Variants in HCRTR2 observed in about 807,000 individuals in gnomAD.
HCRTR2 encodes the protein orexin receptor type 2.
Under a neutral mutation model 49.0 loss-of-function variants are expected in HCRTR2, and 22 were observed. That is an observed-to-expected ratio of 0.45 (90% CI 0.32 to 0.64). The LOEUF (loss-of-function observed/expected upper bound fraction) is 0.64. Among genes scored for constraint, HCRTR2 ranks in the 30% least tolerant of loss-of-function variants. HCRTR2 has a pLI of 0.04. For synonymous variants in HCRTR2, 236 were observed against 205.3 expected, an observed-to-expected ratio of 1.15 and a Z score of -1.28; for missense variants, 491 against 559.4, an observed-to-expected ratio of 0.88 and a Z score of 1.23.
chr6:55,280,521 T>A (rs1767169054), intron 6 of HCRTR2, 77 bp downstream of exon 6: 4 of 1,590,580 alleles, frequency 2.5e-6, no homozygotes, highest in Non-Finnish European at 3.4e-6. Context: ...TTCAACTATA[T>A]GAGGAGTTTA....
intron 1 of HCRTR2, among the ~76,000 whole-genome samples, chr6:55,132,738 C>A: frequency 7.8e-6 from 1 of 128,002 alleles, no homozygotes; most frequent in African/African-American, 3.1e-5. Context: ...TATACCTCTC[C>A]CTCTCTCTCT....
At position 55,116,715 on chromosome 6, in the gene HCRTR2, G is replaced by GAGAGAA. The variant is rs55778468; in HGVS notation, c.-378+10171_-378+10172insGAGAAA. Among the ~76,000 whole-genome samples the GAGAGAA allele has an allele frequency of 8.1e-4, 72 of 88,542 alleles. 1 individual carries two copies. The highest frequency in any genetic ancestry group is 2.4e-3 in the African/African-American group (62 of 25,604). The allele number at this position is 88,542 out of a possible 152,430, so 58.1% of individuals were successfully genotyped here. On this transcript the variant is annotated intron_variant, in intron 1 of 7. Transcript: ENST00000615358. The stretch of plus-strand genomic sequence containing the variant: ...CTGAACAGTACTGTAAAGAGAGAGA[G>GAGAGAA]AAAAAAAAAAAAACTCTTATTCCAG...
chr6:55,231,453 G>A (rs763814327), intron 1 of HCRTR2, among the ~76,000 whole-genome samples: 13 of 152,034 alleles, frequency 8.6e-5, no homozygotes, highest in South Asian at 8.3e-4. Flanking sequence ...TTTATTTAAC[G>A]GAATATCTGA....
rs578154438 is a variant in HCRTR2 at position 55,280,783 on chromosome 6, T to C, written c.1105+339T>C. On this transcript the variant is annotated intron_variant, in intron 6 of 6. Transcript: ENST00000370862. ...CTTTGTTCTGTTTTGCCTTGCTATA[T>C]TATTCCTTTGCCAAAATGTGTAGCC... Among the ~76,000 whole-genome samples the C allele has an allele frequency of 4.6e-5, 7 of 152,338 alleles. No homozygotes were observed. The South Asian group carries it at 1.4e-3, about 32-fold the overall frequency.
chr6:55,241,075 A>G (rs1037242113), intron 1 of HCRTR2, among the ~76,000 whole-genome samples: 1 of 149,958 alleles, frequency 6.7e-6, no homozygotes, highest in Non-Finnish European at 1.5e-5. Context: ...TGCACCCATT[A>G]ACTCGTCATT....
At chr6:55,252,813 C>T (rs1157391685) in intron 2 of HCRTR2, among the ~76,000 whole-genome samples, 1 of 151,796 alleles carries the variant, frequency 6.6e-6, no homozygotes, top group Admixed American at 6.6e-5. Flanking sequence ...GCAATCTGTT[C>T]CAATTAAAAT....
intron 1 of HCRTR2, among the ~76,000 whole-genome samples, chr6:55,219,886 A>G (rs1326560680): frequency 6.6e-6 from 1 of 152,072 alleles, no homozygotes; most frequent in East Asian, 1.9e-4. Flanking sequence ...AGAGGCAGGA[A>G]CAATAAAGAT....
chr6:55,160,652 A>C (rs1196803324), intron 1 of HCRTR2, among the ~76,000 whole-genome samples: 1 of 152,158 alleles, frequency 6.6e-6, no homozygotes, highest in Admixed American at 6.5e-5. Flanking sequence ...TTACTAAGCA[A>C]ATGGAAAGCA....
intron 1 of HCRTR2, among the ~76,000 whole-genome samples, chr6:55,157,027 T>C (rs1350750877): frequency 6.6e-6 from 1 of 151,978 alleles, no homozygotes; most frequent in African/African-American, 2.4e-5. Flanking sequence ...GGAAAGATAG[T>C]TCTAGTCAAT....
intron 5 of HCRTR2, among the ~76,000 whole-genome samples, chr6:55,279,317 G>T (rs374112702): frequency 0.012 from 1,752 of 151,968 alleles, 31 homozygotes; most frequent in African/African-American, 0.04. Context: ...TTAGTCAAAA[G>T]CAATTTCTTT....
chr6:55,120,296 G>C (rs1764178102), intron 1 of HCRTR2, among the ~76,000 whole-genome samples: 2 of 152,034 alleles, frequency 1.3e-5, no homozygotes, highest in South Asian at 4.2e-4. Flanking sequence ...TGTGAAGAAA[G>C]TTAGTGGTAG....
intron 1 of HCRTR2, among the ~76,000 whole-genome samples, chr6:55,190,306 A>G (rs759749627): frequency 1.2e-4 from 19 of 152,174 alleles, no homozygotes; most frequent in Non-Finnish European, 2.6e-4. Flanking sequence ...TTGATGACGG[A>G]TTGCCTTATG....
At chr6:55,274,841 G>T (rs1478482248) in intron 4 of HCRTR2, among the ~76,000 whole-genome samples, 5 of 151,996 alleles carry the variant, frequency 3.3e-5, no homozygotes, top group Non-Finnish European at 7.4e-5. Flanking sequence ...AGATAAATGT[G>T]ACCTCATGAA....
At chr6:55,148,808 T>C (rs1764627577) in intron 1 of HCRTR2, among the ~76,000 whole-genome samples, 1 of 152,126 alleles carries the variant, frequency 6.6e-6, no homozygotes, top group Non-Finnish European at 1.5e-5. Flanking sequence ...GACATTTTAT[T>C]TCATGCTTAA....
At chr6:55,178,913 G>T (rs1033283580) in intron 1 of HCRTR2, among the ~76,000 whole-genome samples, 1 of 152,164 alleles carries the variant, frequency 6.6e-6, no homozygotes, top group Admixed American at 6.5e-5. Context: ...TTGTTGATAG[G>T]CAGGTCTATC....
Position 55,282,233 on chromosome 6 carries a change from C to T in HCRTR2, c.1114C>T (p.Arg372Ter), listed in dbSNP as rs770310033. The T allele has an allele frequency of 1.2e-6, 2 of 1,612,182 alleles. No individual in the cohort carries two copies. The highest frequency in any genetic ancestry group is 1.7e-6 in the Non-Finnish European group (2 of 1,178,662). Reference sequence around the variant, plus strand: ...TTCTCTCTGTTTGCCAGGAAAATTTCGAGAGGAATTTAAAGCTGCGTTTTC... The same window carrying T: ...TTCTCTCTGTTTGCCAGGAAAATTTTGAGAGGAATTTAAAGCTGCGTTTTC... ...IIYNFLSGKFREEFKAAFSCC... is the reference protein window; with the variant it reads ...IIYNFLSGKF The change falls in exon 7 of 7, where the codon CGA becomes TGA. Residue 372 changes from arginine to a stop codon, truncating the protein, a stop_gained. Coordinates refer to ENST00000370862, the MANE Select transcript of HCRTR2 (RefSeq NM_001384272.1). LOFTEE classifies it high-confidence loss of function.
chr6:55,204,504 G>A (rs776126831), intron 1 of HCRTR2, among the ~76,000 whole-genome samples: 5 of 152,116 alleles, frequency 3.3e-5, no homozygotes, highest in Admixed American at 6.6e-5. Flanking sequence ...AAGAGTGGAA[G>A]CAGGGAAATA....
At chr6:55,236,329 T>C (rs778770566) in intron 1 of HCRTR2, among the ~76,000 whole-genome samples, 5 of 152,048 alleles carry the variant, frequency 3.3e-5, no homozygotes, top group African/African-American at 4.8e-5. Flanking sequence ...TTTGCATATA[T>C]ACATTATATT....
intron 1 of HCRTR2, among the ~76,000 whole-genome samples, chr6:55,158,843 A>G (rs115650132): frequency 0.018 from 2,759 of 152,336 alleles, 35 homozygotes; most frequent in Non-Finnish European, 0.025. Context: ...TCCCTGGGAC[A>G]GGGCACCTGG....
Sources: allele counts gnomAD v4.1 joint callset (sites outside exome capture counted in the v4.1 genomes callset), GRCh38; gene constraint gnomAD v4.1.1; transcripts MANE v1.5; gene names NCBI Gene and HGNC (gene_info 2026-07-23, HGNC 2026-07-21).